EEIG2: variants seen among roughly 807,000 people sequenced by gnomAD.
EEIG2 encodes the protein family with sequence similarity 102 member B.
At chr1:108,575,934 TTAAAA>T in the EEIG2 span, among the ~76,000 whole-genome samples, 1 of 147,298 alleles carries the variant, frequency 6.8e-6, no homozygotes, top group Non-Finnish European at 1.5e-5. Context: ...ATTTGTACAC[TTAAAA>T]TGAGATATGA....
At chr1:108,563,390 A>G in the EEIG2 span, among the ~76,000 whole-genome samples, 17 of 152,292 alleles carry the variant, frequency 1.1e-4, no homozygotes, top group African/African-American at 4.1e-4. Context: ...TCGACTTTGT[A>G]TCTTTTCATT....
the EEIG2 span, chr1:108,628,415 C>T: frequency 3.1e-6 from 5 of 1,613,818 alleles, no homozygotes; most frequent in South Asian, 1.1e-5. Flanking sequence ...GTGTCACTCC[C>T]GGTCATCTAG....
chr1:108,591,005 G>T, the EEIG2 span, among the ~76,000 whole-genome samples: 1 of 152,104 alleles, frequency 6.6e-6, no homozygotes, highest in Non-Finnish European at 1.5e-5. Context: ...CTTATTTTAT[G>T]TCAGCAGCTG....
the EEIG2 span, among the ~76,000 whole-genome samples, chr1:108,583,031 G>A: frequency 2.6e-5 from 4 of 151,858 alleles, no homozygotes; most frequent in African/African-American, 9.7e-5. Context: ...TATAAAATTA[G>A]AAGAAAATGT....
chr1:108,628,149 T>C, the EEIG2 span: 8 of 1,610,730 alleles, frequency 5.0e-6, no homozygotes, highest in Admixed American at 1.2e-4. Flanking sequence ...AATGACATCA[T>C]GTTATGACAT....
chr1:108,590,714 GCAAA>G, the EEIG2 span, among the ~76,000 whole-genome samples: 1,191 of 152,238 alleles, frequency 7.8e-3, 15 homozygotes, highest in African/African-American at 0.027. Context: ...ATACTATCTG[GCAAA>G]CAGTTTGCAT....
At chr1:108,594,363 T>C in the EEIG2 span, among the ~76,000 whole-genome samples, 1 of 152,176 alleles carries the variant, frequency 6.6e-6, no homozygotes, top group East Asian at 1.9e-4. Context: ...CATGAGCAGT[T>C]TCAGTGGAAT....
the EEIG2 span, chr1:108,636,682 A>G: frequency 1.3e-5 from 2 of 152,198 alleles, no homozygotes; most frequent in South Asian, 4.1e-4. Context: ...GAGAGAGAGA[A>G]TGTTCTGAGT....
the EEIG2 span, among the ~76,000 whole-genome samples, chr1:108,633,348 A>G: frequency 2.0e-5 from 3 of 152,242 alleles, no homozygotes; most frequent in East Asian, 5.8e-4. Flanking sequence ...GGGCGCAGTG[A>G]TGTGATCACA....
chr1:108,615,600 C>T, the EEIG2 span, among the ~76,000 whole-genome samples: 5 of 151,354 alleles, frequency 3.3e-5, no homozygotes, highest in Admixed American at 2.6e-4. Context: ...ATAAGCAAGA[C>T]CTCATTTCTG....
chr1:108,627,996 T>C, the EEIG2 span: 2 of 586,300 alleles, frequency 3.4e-6, no homozygotes, highest in South Asian at 2.4e-5. Context: ...ACTTTGTATA[T>C]CTTGCAATAC....
chr1:108,561,658 A>G, the EEIG2 span, among the ~76,000 whole-genome samples: 4 of 152,252 alleles, frequency 2.6e-5, no homozygotes. Context: ...TATGAAATTA[A>G]TAGTTTGCCG....
the EEIG2 span, chr1:108,560,364 G>C: frequency 1.4e-6 from 2 of 1,415,606 alleles, no homozygotes; most frequent in Non-Finnish European, 1.9e-6. Flanking sequence ...CTGATCCGGG[G>C]CTCGGCCAAG....
the EEIG2 span, chr1:108,628,078 G>T: frequency 9.0e-7 from 1 of 1,105,434 alleles, no homozygotes; most frequent in Non-Finnish European, 1.4e-6. Context: ...AATGAACTTG[G>T]CAGAGTTTAT....
the EEIG2 span, chr1:108,606,139 G>A: frequency 2.3e-6 from 2 of 853,242 alleles, 1 homozygote; most frequent in Non-Finnish European, 3.5e-6. Flanking sequence ...GCATATATAT[G>A]TCTGCTTCAG....
the EEIG2 span, among the ~76,000 whole-genome samples, chr1:108,594,027 C>T: frequency 6.0e-3 from 920 of 152,088 alleles, 6 homozygotes; most frequent in Non-Finnish European, 9.3e-3. Flanking sequence ...AGGCTGGTCC[C>T]GAACTCCTGA....
chr1:108,590,085 T>G, the EEIG2 span, among the ~76,000 whole-genome samples: 1 of 152,124 alleles, frequency 6.6e-6, no homozygotes, highest in Non-Finnish European at 1.5e-5. Flanking sequence ...AAAACTGGAT[T>G]ATCATTTCCC....
At chr1:108,589,171 G>A in the EEIG2 span, among the ~76,000 whole-genome samples, 8 of 152,012 alleles carry the variant, frequency 5.3e-5, no homozygotes, top group South Asian at 2.1e-4. Flanking sequence ...GGATCCCATC[G>A]TCTGGCATTC....
At chr1:108,621,127 G>T in the EEIG2 span, among the ~76,000 whole-genome samples, 1 of 152,144 alleles carries the variant, frequency 6.6e-6, no homozygotes, top group African/African-American at 2.4e-5. Flanking sequence ...GTTTTATGAG[G>T]TCATTTTTCA....
Sources: gnomAD v4.1 joint callset for allele counts (sites outside exome capture counted in the v4.1 genomes callset) on GRCh38, gnomAD v4.1.1 for gene constraint, MANE v1.5 for transcripts, NCBI Gene and HGNC (gene_info 2026-07-23, HGNC 2026-07-21) for gene names.